The following TRDN variants were observed in gnomAD, a reference collection of about 807,000 sequenced individuals.
The protein encoded by TRDN is triadin, also known as triadin in skeletal muscle.
Under a neutral mutation model 149.7 loss-of-function variants are expected in TRDN, and 161 were observed. The observed-to-expected ratio is 1.08, with a 90% CI of 0.95 to 1.23. TRDN has a LOEUF of 1.23. Among genes scored for constraint, TRDN ranks in the 50% most tolerant of loss-of-function variants. The pLI, the probability that TRDN is intolerant of heterozygous loss-of-function variation, is 0.00. For missense variants in TRDN, 896 were observed against 823.5 expected (o/e 1.09, Z -1.08); for synonymous variants, 294 against 250.5 (o/e 1.17, Z -1.64).
At chr6:123,540,391 G>A (rs1416842778) in intron 4 of TRDN, among the ~76,000 whole-genome samples, 1 of 151,976 alleles carries the variant, frequency 6.6e-6, no homozygotes, top group African/African-American at 2.4e-5. Context: ...ACAGAGGAAG[G>A]AAAGCAGGTT....
chr6:123,501,680 A>G lies in TRDN; in HGVS notation c.793+2039T>C, dbSNP rs374432933. ...ATATAATTGATGGCAATTGTTCTCA[A>G]TACTGAGACTTGCTTTAGCAATTGC... is the stretch of plus-strand genomic sequence containing the variant. On this transcript the variant is annotated intron_variant, in intron 8 of 40. Transcript: ENST00000334268. 3.0e-4 allele frequency: 82 copies of G among 270,524 alleles called. 1 individual carries two copies. In the South Asian group the frequency reaches 9.2e-3, roughly 30 times the overall value. 16.8% of individuals were successfully genotyped at this position (270,524 alleles called of 1,614,324 possible).
chr6:123,450,224 GC>G (rs1775686483), intron 10 of TRDN, among the ~76,000 whole-genome samples: 1 of 152,074 alleles, frequency 6.6e-6, no homozygotes, highest in Non-Finnish European at 1.5e-5. Flanking sequence ...ATGCAATGGT[GC>G]CTCCCATTTC....
chr6:123,554,277 T>C (rs1781540089), intron 2 of TRDN, among the ~76,000 whole-genome samples: 1 of 152,144 alleles, frequency 6.6e-6, no homozygotes, highest in South Asian at 2.1e-4. Flanking sequence ...TAGTACTCAA[T>C]ATGAGCTTGG....
chr6:123,529,072 T>A (rs1357576501), intron 5 of TRDN: 1 of 1,432,338 alleles, frequency 7.0e-7, no homozygotes, highest in South Asian at 1.5e-5. Flanking sequence ...AGAATTCTAA[T>A]ATAGCCAGGT....
At chr6:123,340,721 T>G (rs1780036132) in intron 21 of TRDN, among the ~76,000 whole-genome samples, 1 of 151,998 alleles carries the variant, frequency 6.6e-6, no homozygotes, top group Non-Finnish European at 1.5e-5. Flanking sequence ...CATACCAAAC[T>G]TTTTGGACTT....
chr6:123,627,997 T>C (rs765328365), intron 1 of TRDN, among the ~76,000 whole-genome samples: 9 of 152,206 alleles, frequency 5.9e-5, no homozygotes, highest in Admixed American at 1.3e-4. Flanking sequence ...TTCTGGCTGG[T>C]TGGATCTTCT....
chr6:123,501,206 G>C (rs1778684478), intron 8 of TRDN, among the ~76,000 whole-genome samples: 1 of 151,980 alleles, frequency 6.6e-6, no homozygotes, highest in African/African-American at 2.4e-5. Context: ...ATATTCATAT[G>C]TATACTATGT....
At chr6:123,322,613 T>TTTATTG (rs1313828275) in intron 23 of TRDN, among the ~76,000 whole-genome samples, 3 of 140,966 alleles carry the variant, frequency 2.1e-5, no homozygotes, top group African/African-American at 7.8e-5. Flanking sequence ...TTTTTTAAAA[T>TTTATTG]TTATTATTAT....
intron 22 of TRDN, among the ~76,000 whole-genome samples, chr6:123,334,460 C>T (rs535178492): frequency 4.6e-5 from 7 of 152,108 alleles, no homozygotes; most frequent in African/African-American, 1.4e-4. Context: ...GTGAATCTTC[C>T]ATACTCAGAT....
chr6:123,358,890 G>A (rs1405916567), intron 20 of TRDN, among the ~76,000 whole-genome samples: 2 of 152,026 alleles, frequency 1.3e-5, no homozygotes, highest in Non-Finnish European at 2.9e-5. Context: ...CGTTTGAAGT[G>A]TCCCTCATAT....
chr6:123,343,912 A>T (rs982056953), intron 21 of TRDN, among the ~76,000 whole-genome samples: 4 of 152,010 alleles, frequency 2.6e-5, no homozygotes, highest in African/African-American at 9.7e-5. Flanking sequence ...CACCTCTGGC[A>T]GATAATTAGG....
At chr6:123,369,476 C>T (rs1298927553) in intron 19 of TRDN, among the ~76,000 whole-genome samples, 1 of 151,982 alleles carries the variant, frequency 6.6e-6, no homozygotes, top group Non-Finnish European at 1.5e-5. Flanking sequence ...GAAGGAAGAC[C>T]CCCACCCTGC....
intron 35 of TRDN, among the ~76,000 whole-genome samples, chr6:123,257,438 A>C (rs1776603074): frequency 6.6e-6 from 1 of 152,156 alleles, no homozygotes; most frequent in Admixed American, 6.6e-5. Context: ...GGTTTGTCAA[A>C]GATCAGATGG....
rs80285091 is a variant in TRDN at position 123,607,298 on chromosome 6, T to C, written c.22+29456A>G. Among the ~76,000 whole-genome samples the C allele has an allele frequency of 1.9e-3, 288 of 152,318 alleles. 2 individuals carry two copies. In the East Asian group the frequency reaches 0.047, roughly 25 times the overall value. The stretch of plus-strand genomic sequence containing the variant: ...CGTAGACTAAACTCAATGGGACTTA[T>C]AAAAGCAGCATTGTGCTGGAAGGAC... On this transcript the variant is annotated intron_variant, in intron 1 of 40. Coordinates refer to ENST00000334268, the MANE Select transcript of TRDN (RefSeq NM_006073.4).
chr6:123,587,427 G>A, intron 1 of TRDN, among the ~76,000 whole-genome samples: 1 of 152,120 alleles, frequency 6.6e-6, no homozygotes, highest in Admixed American at 6.5e-5. Context: ...AGTGAGAGAG[G>A]TTGGAGAAGA....
At chr6:123,306,465 C>A (rs1778615081) in intron 24 of TRDN, among the ~76,000 whole-genome samples, 1 of 152,074 alleles carries the variant, frequency 6.6e-6, no homozygotes, top group African/African-American at 2.4e-5. Context: ...TCATACTCAA[C>A]TAAAACAAAG....
intron 9 of TRDN, chr6:123,469,919 A>C (rs1245155892): frequency 2.0e-5 from 3 of 152,236 alleles, no homozygotes; most frequent in Non-Finnish European, 2.9e-5. Context: ...TGAGCTCAGT[A>C]CTTTTTCAGA....
At chr6:123,267,219 TC>T (rs767164877) in intron 32 of TRDN, among the ~76,000 whole-genome samples, 1 of 151,646 alleles carries the variant, frequency 6.6e-6, no homozygotes, top group Non-Finnish European at 1.5e-5. Context: ...CCTATATGCC[TC>T]AGTGTTTGAA....
chr6:123,255,225 T>C (rs368637805), intron 36 of TRDN, 100 bp from the exon 37 acceptor site: 1 of 508,336 alleles, frequency 2.0e-6, no homozygotes, highest in Non-Finnish European at 3.2e-6. Context: ...TTAAGTGTTA[T>C]AAATATTTTC....
Sources: gnomAD v4.1 joint callset for allele counts (sites outside exome capture counted in the v4.1 genomes callset) on GRCh38, gnomAD v4.1.1 for gene constraint, MANE v1.5 for transcripts, NCBI Gene and HGNC (gene_info 2026-07-23, HGNC 2026-07-21) for gene names.